Variants in SRGAP2 observed in about 807,000 individuals in gnomAD.
SRGAP2 encodes SLIT-ROBO Rho GTPase activating protein 2.
SRGAP2 carries 15 observed loss-of-function variants against 57.2 expected under a neutral mutation model. The ratio of observed to expected loss-of-function variants is 0.26; its 90% CI spans 0.18 to 0.40. The LOEUF is 0.40. Among genes scored for constraint, SRGAP2 ranks in the 10% least tolerant of loss-of-function variants. SRGAP2 has a pLI of 1.00. For missense variants in SRGAP2, 520 were observed against 669.6 expected (o/e 0.78, Z 2.47); for synonymous variants, 249 against 248.0 (o/e 1.00, Z -0.04).
intron 4 of SRGAP2, among the ~76,000 whole-genome samples, 159 bp from the exon 5 acceptor site, chr1:206,383,855 A>G (rs1655936031): frequency 6.9e-6 from 1 of 145,436 alleles, no homozygotes; most frequent in Non-Finnish European, 1.5e-5. Context: ...TAATCTGACC[A>G]TAATTGGGTC....
intron 4 of SRGAP2, among the ~76,000 whole-genome samples, chr1:206,353,697 A>AAAATAAATAAATAAAT (rs546673732): frequency 1.4e-5 from 2 of 142,738 alleles, no homozygotes; most frequent in Non-Finnish European, 3.0e-5. Flanking sequence ...TCCATCTCAA[A>AAAATAAATAAATAAAT]AAATAAATAA....
At chr1:206,433,742 C>T (rs782652363) in intron 14 of SRGAP2, among the ~76,000 whole-genome samples, 3 of 151,788 alleles carry the variant, frequency 2.0e-5, no homozygotes, top group Admixed American at 6.6e-5. Flanking sequence ...AAGTGAATAA[C>T]GTAACCACAA....
chr1:206,283,220 C>T (rs1185624574), intron 2 of SRGAP2, among the ~76,000 whole-genome samples: 6 of 151,596 alleles, frequency 4.0e-5, no homozygotes, highest in South Asian at 2.1e-4. Flanking sequence ...TCTTTTTCCC[C>T]GATAATGGGC....
intron 2 of SRGAP2, among the ~76,000 whole-genome samples, chr1:206,301,298 G>A (rs1373095831): frequency 6.6e-6 from 1 of 152,080 alleles, no homozygotes; most frequent in Non-Finnish European, 1.5e-5. Context: ...GCCTCCCAAA[G>A]TGCTGGGATT....
chr1:206,442,547 G>T (rs1662401359), intron 17 of SRGAP2, among the ~76,000 whole-genome samples: 1 of 152,174 alleles, frequency 6.6e-6, no homozygotes, highest in Non-Finnish European at 1.5e-5. Context: ...AATAGAATAA[G>T]CATCCATGCA....
At chr1:206,430,717 G>A (rs1553368071) in intron 14 of SRGAP2, among the ~76,000 whole-genome samples, 1 of 152,226 alleles carries the variant, frequency 6.6e-6, no homozygotes. Flanking sequence ...TGAGTTAGTA[G>A]CTGGTCTTAA....
At chr1:206,460,032 TCCTGAG>T (rs1186197103) in intron 22 of SRGAP2, among the ~76,000 whole-genome samples, 2 of 152,168 alleles carry the variant, frequency 1.3e-5, no homozygotes, top group Non-Finnish European at 2.9e-5. Flanking sequence ...ATGGAGTTCT[TCCTGAG>T]CATTTTAAAG....
intron 2 of SRGAP2, among the ~76,000 whole-genome samples, chr1:206,290,554 A>G (rs1176668294): frequency 6.9e-6 from 1 of 144,498 alleles, no homozygotes; most frequent in African/African-American, 2.6e-5. Context: ...AGGCAAGAGA[A>G]TTGCTTGAGG....
intron 2 of SRGAP2, among the ~76,000 whole-genome samples, chr1:206,302,476 A>C (rs1671929030): frequency 6.6e-6 from 1 of 151,120 alleles, no homozygotes; most frequent in Admixed American, 6.6e-5. Context: ...ATTTCTAGCT[A>C]TGACACTATA....
chr1:206,401,272 C>A (rs1354975774), intron 7 of SRGAP2, 149 bp from the exon 8 acceptor site: 2 of 710,214 alleles, frequency 2.8e-6, no homozygotes, highest in Non-Finnish European at 5.2e-6. Flanking sequence ...GAACTCTCAC[C>A]CAGACCTTGG....
intron 2 of SRGAP2, among the ~76,000 whole-genome samples, chr1:206,284,079 G>C (rs1438612330): frequency 1.3e-5 from 2 of 151,986 alleles, no homozygotes; most frequent in African/African-American, 4.8e-5. Context: ...CTAATGTTTG[G>C]AATTGCATTT....
chr1:206,333,559 T>C, intron 3 of SRGAP2: 2 of 810,900 alleles, frequency 2.5e-6, no homozygotes, highest in Non-Finnish European at 4.0e-6. Flanking sequence ...AGACAGGTCC[T>C]ATGTTGCCCA....
At chr1:206,305,761 AT>A (rs1672154180) in intron 3 of SRGAP2, among the ~76,000 whole-genome samples, 2 of 150,392 alleles carry the variant, frequency 1.3e-5, no homozygotes, top group South Asian at 2.1e-4. Flanking sequence ...TGCCTTAATA[AT>A]ACAGGACACA....
chr1:206,425,933 A>G (rs1572123802), intron 13 of SRGAP2, among the ~76,000 whole-genome samples: 2 of 137,622 alleles, frequency 1.5e-5, no homozygotes, highest in South Asian at 2.3e-4. Context: ...TGCAACCTCC[A>G]CCTCCTGGAT....
intron 16 of SRGAP2, 116 bp from the exon 17 acceptor site, chr1:206,439,860 C>T (rs1470618678): frequency 1.9e-5 from 13 of 667,914 alleles, no homozygotes; most frequent in Admixed American, 1.3e-4. Flanking sequence ...CAGTGCTGTG[C>T]GTGGGCTTGA....
Position 206,372,678 on chromosome 1 carries a change from G to A in SRGAP2, c.424-11336G>A, listed in dbSNP as rs1160058242. On this transcript the variant is annotated intron_variant, in intron 4 of 22. Transcript: ENST00000573034. Reference sequence around the variant, plus strand: ...ATAGAAGAGGCAGGACAAATAGAAAGCAATTAGCAAGTTGGTGGGTTTAAA... The same window carrying A: ...ATAGAAGAGGCAGGACAAATAGAAAACAATTAGCAAGTTGGTGGGTTTAAA... 1.5e-4 allele frequency among the ~76,000 whole-genome samples: 4 copies of A among 27,262 alleles called. No homozygotes were observed. In the East Asian group the frequency reaches 3.6e-3, roughly 25 times the overall value. 17.9% of individuals were successfully genotyped at this position (27,262 alleles called of 152,430 possible).
chr1:206,415,988 C>A lies in SRGAP2; in HGVS notation c.1441+15C>A, dbSNP rs367673514. The stretch of plus-strand genomic sequence containing the variant: ...CCTGGGAGAAAGTGAGTGTGGGAAC[C>A]CTCTGCTAGAGGCTTGACAGTGAGG... On this transcript the variant is annotated intron_variant, in intron 11 of 22. Coordinates refer to ENST00000573034, the MANE Select transcript of SRGAP2 (RefSeq NM_015326.5). 1 of 778,640 alleles carries A rather than the reference C, an allele frequency of 1.3e-6. No individual in the cohort carries two copies. Among genetic ancestry groups the A allele is most frequent in the Non-Finnish European group, 2.4e-6 (1 of 417,086 alleles). The allele number at this position is 778,640 out of a possible 1,614,324, so 48.2% of individuals were successfully genotyped here.
intron 5 of SRGAP2, among the ~76,000 whole-genome samples, chr1:206,390,760 C>G (rs1336398903): frequency 1.3e-5 from 2 of 152,098 alleles, no homozygotes; most frequent in Non-Finnish European, 2.9e-5. Context: ...GGCTTTTAAA[C>G]GCCATTAGTT....
chr1:206,240,285 A>G (rs1182516873), intron 2 of SRGAP2, among the ~76,000 whole-genome samples: 6 of 138,238 alleles, frequency 4.3e-5, no homozygotes, highest in Non-Finnish European at 9.6e-5. Flanking sequence ...AAAAAAAAAA[A>G]GACATTGACT....
Sources: gnomAD v4.1 joint callset for allele counts (sites outside exome capture counted in the v4.1 genomes callset) on GRCh38, gnomAD v4.1.1 for gene constraint, MANE v1.5 for transcripts, NCBI Gene and HGNC (gene_info 2026-07-23, HGNC 2026-07-21) for gene names.